AUTS2: variants seen among roughly 807,000 people sequenced by gnomAD.
AUTS2 encodes autism susceptibility gene 2 protein.
Under a neutral mutation model 112.4 loss-of-function variants are expected in AUTS2, and 17 were observed. That is an observed-to-expected ratio of 0.15 (90% CI 0.10 to 0.23). The LOEUF (loss-of-function observed/expected upper bound fraction) is 0.23. Ranked by LOEUF, AUTS2 falls within the 10% of genes least tolerant of loss-of-function variation. AUTS2 has a pLI of 1.00. For missense variants in AUTS2, 1,510 were observed against 1,701.6 expected, an observed-to-expected ratio of 0.89 and a Z score of 1.98; for synonymous variants, 751 against 702.7, an observed-to-expected ratio of 1.07 and a Z score of -1.09.
At chr7:69,660,054 G>C (rs1422712387) in intron 1 of AUTS2, among the ~76,000 whole-genome samples, 1 of 152,214 alleles carries the variant, frequency 6.6e-6, no homozygotes, top group Non-Finnish European at 1.5e-5. Flanking sequence ...TTTGCCGTTG[G>C]TAGTATGTGC....
At chr7:70,123,898 T>C (rs1805821276) in intron 3 of AUTS2, among the ~76,000 whole-genome samples, 1 of 152,210 alleles carries the variant, frequency 6.6e-6, no homozygotes, top group African/African-American at 2.4e-5. Flanking sequence ...ATGGTAGTTA[T>C]GCTTTTAGCT....
chr7:69,902,696 A>G (rs1258306997), intron 2 of AUTS2, among the ~76,000 whole-genome samples: 1 of 152,162 alleles, frequency 6.6e-6, no homozygotes, highest in South Asian at 2.1e-4. Flanking sequence ...GGAGGGTGCA[A>G]TTATAATACT....
At chr7:70,742,875 A>G (rs1788199783) in intron 6 of AUTS2, among the ~76,000 whole-genome samples, 1 of 152,182 alleles carries the variant, frequency 6.6e-6, no homozygotes, top group African/African-American at 2.4e-5. Flanking sequence ...GGAAAGGACC[A>G]CAGATATCAG....
chr7:70,141,020 G>C (rs1306414249), intron 4 of AUTS2, among the ~76,000 whole-genome samples: 1 of 152,182 alleles, frequency 6.6e-6, no homozygotes, highest in Non-Finnish European at 1.5e-5. Flanking sequence ...AGAAGTGTAA[G>C]TAGAGCACTT....
At chr7:70,661,841 A>G (rs746340222) in intron 5 of AUTS2, among the ~76,000 whole-genome samples, 19 of 151,980 alleles carry the variant, frequency 1.3e-4, no homozygotes, top group Non-Finnish European at 2.4e-4. Context: ...CTTTTACTTG[A>G]GGTACGGGAA....
chr7:70,078,650 G>T (rs182327655), intron 2 of AUTS2, among the ~76,000 whole-genome samples: 75 of 152,274 alleles, frequency 4.9e-4, no homozygotes, highest in African/African-American at 1.7e-3. Context: ...AAGGGCAAAG[G>T]TATAGTAATT....
intron 4 of AUTS2, among the ~76,000 whole-genome samples, chr7:70,434,191 G>A (rs1795795784): frequency 6.6e-6 from 1 of 152,180 alleles, no homozygotes; most frequent in African/African-American, 2.4e-5. Flanking sequence ...GCAGATTTCA[G>A]AATCTCATTG....
At chr7:70,606,364 CA>C (rs1803763624) in intron 5 of AUTS2, among the ~76,000 whole-genome samples, 1 of 138,106 alleles carries the variant, frequency 7.2e-6, no homozygotes, top group Non-Finnish European at 1.6e-5. Context: ...TTTATATTTG[CA>C]GCCCATCAAT....
intron 4 of AUTS2, among the ~76,000 whole-genome samples, chr7:70,241,414 A>T (rs1481039452): frequency 1.3e-5 from 2 of 152,226 alleles, no homozygotes; most frequent in Non-Finnish European, 2.9e-5. Flanking sequence ...TTAGCCCCAT[A>T]TGCTGTAGCT....
At chr7:69,682,579 C>G (rs1796849875) in intron 1 of AUTS2, among the ~76,000 whole-genome samples, 1 of 152,156 alleles carries the variant, frequency 6.6e-6, no homozygotes, top group Non-Finnish European at 1.5e-5. Flanking sequence ...ACTCTTAAGG[C>G]TTAATATTTG....
intron 5 of AUTS2, among the ~76,000 whole-genome samples, chr7:70,510,709 T>C (rs527716450): frequency 2.6e-4 from 39 of 152,274 alleles, no homozygotes; most frequent in African/African-American, 9.4e-4. Context: ...TTGAAAAAAA[T>C]GTAAAACTCA....
chr7:70,485,406 TG>T (rs750299617), intron 5 of AUTS2, among the ~76,000 whole-genome samples: 5 of 152,140 alleles, frequency 3.3e-5, no homozygotes, highest in Non-Finnish European at 5.9e-5. Flanking sequence ...TACCTATAAG[TG>T]GGAGCTAAGC....
intron 4 of AUTS2, among the ~76,000 whole-genome samples, chr7:70,326,604 T>C (rs1305188837): frequency 6.6e-6 from 1 of 152,202 alleles, no homozygotes; most frequent in Non-Finnish European, 1.5e-5. Context: ...TAGAAGACAG[T>C]AGAGGCCCAG....
intron 4 of AUTS2, among the ~76,000 whole-genome samples, chr7:70,207,684 TATTTAGC>T (rs1810638287): frequency 6.6e-6 from 1 of 152,146 alleles, no homozygotes; most frequent in Non-Finnish European, 1.5e-5. Flanking sequence ...GCATGTAAAG[TATTTAGC>T]ACTGCTGCCT....
intron 5 of AUTS2, among the ~76,000 whole-genome samples, chr7:70,665,454 T>TTTATTTA (rs1190023393): frequency 6.7e-6 from 1 of 150,342 alleles, no homozygotes; most frequent in Non-Finnish European, 1.5e-5. Flanking sequence ...TATTTATCTA[T>TTTATTTA]TTATTTATTT....
intron 1 of AUTS2, among the ~76,000 whole-genome samples, chr7:69,827,024 C>G (rs1300462159): frequency 6.6e-6 from 1 of 152,142 alleles, no homozygotes; most frequent in Non-Finnish European, 1.5e-5. Flanking sequence ...ATTGAGCTTT[C>G]TAATTTCTTG....
chr7:70,088,778 A>G (rs917455317), intron 2 of AUTS2, among the ~76,000 whole-genome samples: 3 of 151,786 alleles, frequency 2.0e-5, no homozygotes, highest in Admixed American at 1.3e-4. Context: ...ATGCCCAGCT[A>G]ATTTTTTGTA....
At chr7:69,722,826 ATAGAAG>A (rs1799033385) in intron 1 of AUTS2, among the ~76,000 whole-genome samples, 2 of 152,096 alleles carry the variant, frequency 1.3e-5, no homozygotes, top group South Asian at 4.1e-4. Context: ...CTTTGCTTTA[ATAGAAG>A]TAGATCTGGA....
At chr7:69,964,596 A>G (rs1381613825) in intron 2 of AUTS2, among the ~76,000 whole-genome samples, 1 of 151,806 alleles carries the variant, frequency 6.6e-6, no homozygotes, top group Non-Finnish European at 1.5e-5. Context: ...AATATCCATA[A>G]AGCCTATGAA....
Sources: allele counts gnomAD v4.1 joint callset (sites outside exome capture counted in the v4.1 genomes callset), GRCh38; gene constraint gnomAD v4.1.1; transcripts MANE v1.5; gene names NCBI Gene and HGNC (gene_info 2026-07-23, HGNC 2026-07-21).